The following PRKN variants were observed in gnomAD, a reference collection of about 807,000 sequenced individuals.
PRKN encodes parkin RBR E3 ubiquitin protein ligase.
PRKN carries 56 observed loss-of-function variants against 59.5 expected under a neutral mutation model. The ratio of observed to expected loss-of-function variants is 0.94; its 90% CI spans 0.76 to 1.18. The LOEUF (loss-of-function observed/expected upper bound fraction) is 1.18. PRKN is among the 50% of genes most tolerant of loss of function. PRKN has a pLI of 0.00. For synonymous variants in PRKN, 250 were observed against 222.1 expected (o/e 1.13, Z -1.12); for missense variants, 657 against 596.4 (o/e 1.10, Z -1.06).
intron 1 of PRKN, among the ~76,000 whole-genome samples, chr6:162,649,883 A>G (rs536204351): frequency 6.6e-6 from 1 of 152,250 alleles, no homozygotes; most frequent in African/African-American, 2.4e-5. Context: ...TTTCTCTACT[A>G]CTTTATTTTT....
At chr6:161,653,430 C>T (rs1044802882) in intron 7 of PRKN, among the ~76,000 whole-genome samples, 13 of 152,144 alleles carry the variant, frequency 8.5e-5, no homozygotes, top group Non-Finnish European at 2.9e-5. Flanking sequence ...AGTACTCACC[C>T]AGACCCTGGC....
intron 4 of PRKN, among the ~76,000 whole-genome samples, chr6:162,191,757 T>C (rs941225591): frequency 1.3e-5 from 2 of 152,150 alleles, no homozygotes; most frequent in African/African-American, 4.8e-5. Flanking sequence ...TTATCTGTTT[T>C]ATATAGAAGA....
In PRKN at chr6:161,410,571, C is replaced by T. The variant is rs991188643; in HGVS notation, c.1084-23694G>A. On this transcript the variant is annotated intron_variant, in intron 9 of 11. Transcript: ENST00000366898. This position sits in a 1 kb window ranked among gnomAD's most constrained non-coding sequence, Gnocchi z 5.3. The stretch of plus-strand genomic sequence containing the variant: ...GGAGCCCGGGTCTGAGCTGGACACA[C>T]ACAGCAGCGAGAGGGGAAGGGCGAG... 6.6e-6 allele frequency among the ~76,000 whole-genome samples: 1 copy of T among 152,132 alleles called. No homozygotes were observed. Among genetic ancestry groups the T allele is most frequent in the Non-Finnish European group, 1.5e-5 (1 of 68,034 alleles).
Position 161,734,007 on chromosome 6 carries a change from T to C in PRKN, c.871+51765A>G, listed in dbSNP as rs73783371. Among the ~76,000 whole-genome samples, 76 of 112,608 alleles carry C rather than the reference T, an allele frequency of 6.7e-4. 2 individuals are homozygous for C. The highest frequency in any genetic ancestry group is 4.0e-3 in the Middle Eastern group (1 of 252). The allele number at this position is 112,608 out of a possible 152,430, so 73.9% of individuals were successfully genotyped here. A position where few individuals can be genotyped will look rare whatever the true frequency, so the allele number is the denominator to read the frequency against. ...ACACACACACACACACACACACACATATTTGCTAATGGAAAAAAGAACACA... is the reference window on the plus strand; with the variant it reads ...ACACACACACACACACACACACACACATTTGCTAATGGAAAAAAGAACACA... On this transcript the variant is annotated intron_variant, in intron 7 of 11. Coordinates refer to ENST00000366898, the MANE Select transcript of PRKN (RefSeq NM_004562.3).
chr6:162,599,658 T>C (rs1781624948), intron 1 of PRKN, among the ~76,000 whole-genome samples: 1 of 152,072 alleles, frequency 6.6e-6, no homozygotes. Flanking sequence ...AGTGAAAACG[T>C]CAGGGTACAC....
At chr6:162,221,761 T>C (rs974273301) in intron 3 of PRKN, among the ~76,000 whole-genome samples, 5 of 152,118 alleles carry the variant, frequency 3.3e-5, no homozygotes, top group Non-Finnish European at 7.4e-5. Context: ...ACTCAATAAG[T>C]TCAGAAAAAG....
At chr6:162,070,834 T>G (rs540079725) in intron 4 of PRKN, among the ~76,000 whole-genome samples, 31 of 152,240 alleles carry the variant, frequency 2.0e-4, no homozygotes, top group African/African-American at 7.2e-4. Flanking sequence ...CTCGCTCGCC[T>G]ACTGCTTATC....
chr6:161,933,781 G>A (rs1779252693), intron 6 of PRKN, among the ~76,000 whole-genome samples: 2 of 151,934 alleles, frequency 1.3e-5, no homozygotes, highest in Non-Finnish European at 2.9e-5. Context: ...ACATTTCAGG[G>A]AACCCCAGAA....
chr6:161,764,091 C>T (rs910602191), intron 7 of PRKN, among the ~76,000 whole-genome samples: 1 of 152,198 alleles, frequency 6.6e-6, no homozygotes, highest in Non-Finnish European at 1.5e-5. Flanking sequence ...CTCCTCCAGC[C>T]ACTCTGGTCT....
rs1370695578 is a variant in PRKN at position 161,497,371 on chromosome 6, A to G, written c.1083+51483T>C. On this transcript the variant is annotated intron_variant, in intron 9 of 11. Coordinates refer to ENST00000366898, the MANE Select transcript of PRKN (RefSeq NM_004562.3). This position sits in a 1 kb window ranked among gnomAD's most constrained non-coding sequence, Gnocchi z 4.6. ...AGCTCTCACAGACATTCCTCCTTCA[A>G]AACAGACCCTCTGGCAAAGGTTATC... Among the ~76,000 whole-genome samples the G allele has an allele frequency of 2.0e-5, 3 of 152,186 alleles. No individual in the cohort carries two copies. Among genetic ancestry groups the G allele is most frequent in the African/African-American group, 7.2e-5 (3 of 41,456 alleles).
intron 3 of PRKN, among the ~76,000 whole-genome samples, chr6:162,252,849 T>A (rs1380422500): frequency 6.6e-6 from 1 of 152,266 alleles, no homozygotes; most frequent in Non-Finnish European, 1.5e-5. Context: ...GAGAATGAAC[T>A]ATATTTCCCA....
intron 7 of PRKN, among the ~76,000 whole-genome samples, chr6:161,680,775 A>ATATATTT (rs1216235673): frequency 2.9e-4 from 9 of 30,614 alleles, no homozygotes; most frequent in Non-Finnish European, 4.9e-4. Flanking sequence ...ATATATATAT[A>ATATATTT]TTTTTTTTTT....
At chr6:162,686,888 T>C in intron 1 of PRKN, among the ~76,000 whole-genome samples, 1 of 152,236 alleles carries the variant, frequency 6.6e-6, no homozygotes, top group East Asian at 1.9e-4. Context: ...TCTATTTTTA[T>C]ACAAGTACCC....
chr6:161,826,568 C>T (rs1490386280), intron 6 of PRKN, among the ~76,000 whole-genome samples: 1 of 152,166 alleles, frequency 6.6e-6, no homozygotes, highest in Non-Finnish European at 1.5e-5. Context: ...CATTTTTCTC[C>T]TATGGAAGGA....
chr6:162,201,080 A>G, intron 4 of PRKN, 51 bp downstream of exon 4: 1 of 1,557,612 alleles, frequency 6.4e-7, no homozygotes, highest in Non-Finnish European at 8.9e-7. Context: ...GCAATGTGTT[A>G]GTACACATTC....
At chr6:162,176,753 G>A (rs928376328) in intron 4 of PRKN, among the ~76,000 whole-genome samples, 2 of 152,024 alleles carry the variant, frequency 1.3e-5, no homozygotes, top group African/African-American at 2.4e-5. Context: ...ATATACATGC[G>A]ACTCCCACAG....
intron 2 of PRKN, among the ~76,000 whole-genome samples, chr6:162,332,999 T>C (rs1444483492): frequency 6.6e-6 from 1 of 152,188 alleles, no homozygotes; most frequent in Non-Finnish European, 1.5e-5. Context: ...GAAAGACCAG[T>C]AGCAGAATCT....
intron 4 of PRKN, among the ~76,000 whole-genome samples, chr6:162,082,043 G>T (rs571203931): frequency 2.6e-5 from 4 of 152,148 alleles, no homozygotes; most frequent in African/African-American, 7.2e-5. Flanking sequence ...ATTGAAGAGG[G>T]TACAGGTCTT....
chr6:161,704,062 G>A (rs1456333216), intron 7 of PRKN, among the ~76,000 whole-genome samples: 1 of 151,872 alleles, frequency 6.6e-6, no homozygotes, highest in Non-Finnish European at 1.5e-5. Flanking sequence ...CACCATGTTG[G>A]CCAGGCTGGT....
Sources: gnomAD v4.1 joint callset for allele counts (sites outside exome capture counted in the v4.1 genomes callset) on GRCh38, gnomAD v4.1.1 for gene constraint, Gnocchi (gnomAD v3.1) non-coding constraint, MANE v1.5 for transcripts, NCBI Gene and HGNC (gene_info 2026-07-23, HGNC 2026-07-21) for gene names.